BTBD18: variants seen among roughly 807,000 people sequenced by gnomAD.
BTBD18 encodes the protein BTB domain containing 18.
For synonymous variants in BTBD18, 311 were observed against 324.4 expected (o/e 0.96, Z 0.44); for missense variants, 787 against 846.3 (o/e 0.93, Z 0.87).
At chr11:57,746,760 C>T (rs1949201918) in intron 2 of BTBD18, among the ~76,000 whole-genome samples, 1 of 138,396 alleles carries the variant, frequency 7.2e-6, no homozygotes, top group East Asian at 2.3e-4. Flanking sequence ...TGCTTGAGTC[C>T]AGGGCTTTGA....
In BTBD18 at chr11:57,745,556, G is replaced by A. The variant is rs1363227834; in HGVS notation, c.717C>T (p.Ala239=). The change falls in exon 3 of 3, where the codon GCC becomes GCT. Residue 239 remains alanine, a synonymous_variant. Coordinates refer to ENST00000422652, the MANE Select transcript of BTBD18 (RefSeq NM_001145101.3). ...GTGGGGAGAGCACTGTAGGATCAAG[G>A]GCAGTGTCATTCTTGTTCTCTCTAG... is the stretch of plus-strand genomic sequence containing the variant. ...QEPRENKNDT[A]LDPTVLSPPS... is the part of the protein sequence containing the mutation. 1 of 1,550,722 alleles carries A rather than the reference G, an allele frequency of 6.4e-7. No individual in the cohort carries two copies. The highest frequency in any genetic ancestry group is 1.2e-5 in the South Asian group (1 of 84,058).
At position 57,745,718 on chromosome 11, in the gene BTBD18, C is replaced by G; in HGVS notation, c.555G>C (p.Gly185=). The change falls in exon 3 of 3, where the codon GGG becomes GGC. Residue 185 remains glycine, a synonymous_variant. Transcript: ENST00000422652. ...TGTTTTCCTGGGGCCCCTCTTCCTT[C>G]CCCAAGGACTTCAATCTTATTGCCC... is the stretch of plus-strand genomic sequence containing the variant. ...PLGAIRLKSL[G]KEEGPQENNR... 1 of 1,551,640 alleles carries G rather than the reference C, an allele frequency of 6.4e-7. No homozygotes were observed. The highest frequency in any genetic ancestry group is 8.7e-7 in the Non-Finnish European group (1 of 1,146,962).
chr11:57,746,296 G>C, intron 2 of BTBD18, 148 bp from the exon 3 acceptor site: 1 of 640,090 alleles, frequency 1.6e-6, no homozygotes, highest in Non-Finnish European at 2.5e-6. Context: ...TCTTCTGCCT[G>C]CCTGGAACCT....
intron 2 of BTBD18, among the ~76,000 whole-genome samples, chr11:57,749,043 T>G (rs74989758): frequency 6.6e-6 from 1 of 152,238 alleles, no homozygotes; most frequent in East Asian, 1.9e-4. Flanking sequence ...CCCACTTGTT[T>G]GTCTTTCAGA....
At position 57,745,899 on chromosome 11, in the gene BTBD18, A is replaced by T. The variant is rs1949179741; in HGVS notation, c.374T>A (p.Leu125His). The change falls in exon 3 of 3, where the codon CTT (leucine) becomes CAT (histidine). Residue 125 changes from leucine (L) to histidine (H), a missense_variant. Physicochemically the swap from Leu to His is moderately conservative, Grantham distance 99. Coordinates refer to ENST00000422652, the MANE Select transcript of BTBD18 (RefSeq NM_001145101.3). Reference sequence around the variant, plus strand: ...GGCCTTCACCAACTTTCCACCCTCAAGCTGAAGGGATTCCAGCTCAGACAC... The same window carrying T: ...GGCCTTCACCAACTTTCCACCCTCATGCTGAAGGGATTCCAGCTCAGACAC... ...LRVSELESLQ[L>H]EGGKLVKAPQ... The T allele has an allele frequency of 6.4e-7, 1 of 1,551,668 alleles. No individual in the cohort carries two copies. The highest frequency in any genetic ancestry group is 2.4e-5 in the East Asian group (1 of 40,922).
rs1949177264 is a variant in BTBD18, at chr11:57,745,743, C to A, written c.530G>T (p.Gly177Val). The change falls in exon 3 of 3, where the codon GGG becomes GTG. Residue 177 changes from glycine (G) to valine (V), a missense_variant. Coordinates refer to ENST00000422652, the MANE Select transcript of BTBD18 (RefSeq NM_001145101.3). ...CCCCAAGGACTTCAATCTTATTGCC[C>A]CAAGAGGACAAGGAGTTTGATTAGT... is the stretch of plus-strand genomic sequence containing the variant. ...LPTNQTPCPL[G>V]AIRLKSLGKE... 3 of 1,551,382 alleles carry A rather than the reference C, an allele frequency of 1.9e-6. No individual in the cohort carries two copies. In the South Asian group the frequency reaches 3.6e-5, roughly 18 times the overall value.
At chr11:57,751,260 A>T (rs940771575) in intron 1 of BTBD18, 24 bp from the exon 2 acceptor site, 65 of 1,244,496 alleles carry the variant, frequency 5.2e-5, no homozygotes, top group Non-Finnish European at 6.3e-5. Flanking sequence ...AATACATTTC[A>T]GAGGCATGGT....
In BTBD18 at chr11:57,744,817, T is replaced by C. The variant is rs1233043291; in HGVS notation, c.1456A>G (p.Thr486Ala). 1 of 1,551,760 alleles carries C rather than the reference T, an allele frequency of 6.4e-7. No individual in the cohort carries two copies. The highest frequency in any genetic ancestry group is 2.0e-5 in the Admixed American group (1 of 51,008). The change falls in exon 3 of 3, where the codon ACA (threonine) becomes GCA (alanine). Residue 486 changes from threonine to alanine, a missense_variant. Coordinates refer to ENST00000422652, the MANE Select transcript of BTBD18 (RefSeq NM_001145101.3). ...QPCEAEEYRI[T>A]SAAATSELEE... The stretch of plus-strand genomic sequence containing the variant: ...AGCTCACTGGTGGCAGCAGCACTTG[T>C]GATTCGGTACTCCTCAGCCTCACAG...
chr11:57,752,251 T>G (rs1949326084), upstream of BTBD18, among the ~76,000 whole-genome samples: 1 of 152,162 alleles, frequency 6.6e-6, no homozygotes, highest in Non-Finnish European at 1.5e-5. Flanking sequence ...GAAGGCGGGC[T>G]TGGCTGGGCG....
intron 2 of BTBD18, among the ~76,000 whole-genome samples, chr11:57,749,214 T>C (rs1402496439): frequency 7.9e-5 from 12 of 152,240 alleles, no homozygotes. Flanking sequence ...CACTGGATTT[T>C]TGAATGTCTT....
Position 57,745,499 on chromosome 11 carries a change from C to A in BTBD18, c.774G>T (p.Leu258=). The change falls in exon 3 of 3, where the codon CTG becomes CTT. Residue 258 remains leucine (L), a synonymous_variant. Coordinates refer to ENST00000422652, the MANE Select transcript of BTBD18 (RefSeq NM_001145101.3). ...GACTGAGCCTGATCTTTCTGGGCAA[C>A]AGGTGTTTGTCCACAGAGGGGTACA... ...PSLYPSVDKH[L]LPRKIRLSRS... is the part of the protein sequence containing the mutation. 1.9e-6 allele frequency: 3 copies of A among 1,549,690 alleles called. No individual in the cohort carries two copies. The highest frequency in any genetic ancestry group is 2.6e-6 in the Non-Finnish European group (3 of 1,146,980).
At chr11:57,749,241 C>T (rs1306750086) in intron 2 of BTBD18, among the ~76,000 whole-genome samples, 4 of 152,134 alleles carry the variant, frequency 2.6e-5, no homozygotes, top group Non-Finnish European at 5.9e-5. Flanking sequence ...ATAAGATTTC[C>T]TTAAGAAGAG....
chr11:57,746,734 G>A (rs1218099972), intron 2 of BTBD18, among the ~76,000 whole-genome samples: 1 of 149,504 alleles, frequency 6.7e-6, no homozygotes, highest in Admixed American at 6.8e-5. Flanking sequence ...TGTTAGGTAG[G>A]CTGAAGCAGG....
At position 57,744,544 on chromosome 11, in the gene BTBD18, T is replaced by C. The variant is rs538231381; in HGVS notation, c.1729A>G (p.Met577Val). 6.4e-7 allele frequency: 1 copy of C among 1,551,642 alleles called. No individual in the cohort carries two copies. Among genetic ancestry groups the C allele is most frequent in the Non-Finnish European group, 8.7e-7 (1 of 1,146,962 alleles). Residue 577 changes from methionine (M) to valine (V), a missense_variant, in exon 3 of 3, where the codon ATG (methionine) becomes GTG (valine). By Grantham distance (21) the Met-to-Val change is conservative (BLOSUM62 1). Transcript: ENST00000422652. ...AGCACTTCACTCACCTCAGAGGGCA[T>C]GACAAGGGGGCTAAGGAGCTCAGTT... ...GPTELLSPLV[M>V]PSEVSEVLSV...
chr11:57,750,183 C>T (rs2135701966), intron 2 of BTBD18, among the ~76,000 whole-genome samples: 1 of 151,932 alleles, frequency 6.6e-6, no homozygotes, highest in Non-Finnish European at 1.5e-5. Flanking sequence ...CGAGACCAGT[C>T]TGGCCAACAT....
At position 57,746,045 on chromosome 11, in the gene BTBD18, T is replaced by C; in HGVS notation, c.228A>G (p.Leu76=). Residue 76 remains leucine (L), a synonymous_variant, in exon 3 of 3, where the codon CTA becomes CTG. Transcript: ENST00000422652. ...TGCTGATCTTCAGGCCACCCAGCTC[T>C]AGCACCACCTTCCCACCCTGAGCTG... is the stretch of plus-strand genomic sequence containing the variant. ...ERPAQGGKVV[L]ELGGLKISTL... is the part of the protein sequence containing the mutation. 1 of 1,551,674 alleles carries C rather than the reference T, an allele frequency of 6.4e-7. No homozygotes were observed. Among genetic ancestry groups the C allele is most frequent in the Non-Finnish European group, 8.7e-7 (1 of 1,146,980 alleles).
At chr11:57,747,713 G>C (rs1182507854) in intron 2 of BTBD18, among the ~76,000 whole-genome samples, 1 of 152,122 alleles carries the variant, frequency 6.6e-6, no homozygotes, top group African/African-American at 2.4e-5. Flanking sequence ...TGGCCAGGCT[G>C]ATCTTGAACT....
At chr11:57,752,332 T>A (rs1446285387), upstream of BTBD18, among the ~76,000 whole-genome samples, 1 of 152,062 alleles carries the variant, frequency 6.6e-6, no homozygotes, top group Non-Finnish European at 1.5e-5. Flanking sequence ...GTTAGGAGTT[T>A]GAGACCAGCC....
intron 2 of BTBD18, among the ~76,000 whole-genome samples, chr11:57,749,052 G>C (rs1004482571): frequency 6.6e-6 from 1 of 152,110 alleles, no homozygotes; most frequent in African/African-American, 2.4e-5. Flanking sequence ...TTGTCTTTCA[G>C]ATCTCACCTA....
Sources: gnomAD v4.1 joint callset for allele counts (sites outside exome capture counted in the v4.1 genomes callset) on GRCh38, gnomAD v4.1.1 for gene constraint, MANE v1.5 for transcripts, NCBI Gene and HGNC (gene_info 2026-07-23, HGNC 2026-07-21) for gene names.